Variants in TRAPPC12 observed in about 807,000 individuals in gnomAD.
TRAPPC12 encodes the protein trafficking protein particle complex subunit 12, also known as TPR repeat protein 15.
Under a neutral mutation model 69.2 loss-of-function variants are expected in TRAPPC12, and 61 were observed. That is an observed-to-expected ratio of 0.88 (90% confidence interval 0.72 to 1.09). The LOEUF (loss-of-function observed/expected upper bound fraction) is 1.09, where lower values mean the gene tolerates loss of function less well. Among genes scored for constraint, TRAPPC12 ranks in the 50% least tolerant of loss-of-function variants. The pLI is 0.00. For missense variants in TRAPPC12, 1,101 were observed against 1,016.4 expected (o/e 1.08, Z -1.13); for synonymous variants, 469 against 438.9 (o/e 1.07, Z -0.86).
chr2:3,414,921 A>T lies in TRAPPC12; in HGVS notation c.1165-6960A>T, dbSNP rs1025293274. 6.6e-6 allele frequency among the ~76,000 whole-genome samples: 1 copy of T among 152,012 alleles called. No individual in the cohort carries two copies. The highest frequency in any genetic ancestry group is 2.1e-4 in the South Asian group (1 of 4,816). Reference sequence around the variant, plus strand: ...CGCATCCACAGATTCCACCACCCGCAGTTGGGAAACACAGTGAGGTATGCA... The same window carrying T: ...CGCATCCACAGATTCCACCACCCGCTGTTGGGAAACACAGTGAGGTATGCA... On this transcript the variant is annotated intron_variant, in intron 3 of 11. Coordinates refer to ENST00000324266, the MANE Select transcript of TRAPPC12 (RefSeq NM_016030.6). This position sits in a 1 kb window ranked among gnomAD's most constrained non-coding sequence, Gnocchi z 4.9.
intron 9 of TRAPPC12, among the ~76,000 whole-genome samples, chr2:3,476,976 C>G (rs1237745283): frequency 2.0e-5 from 3 of 152,226 alleles, no homozygotes; most frequent in Admixed American, 2.0e-4. Context: ...TCATTTGTAT[C>G]TATTTCTTAT....
At chr2:3,471,830 G>A (rs1371607480) in intron 9 of TRAPPC12, among the ~76,000 whole-genome samples, 3 of 144,626 alleles carry the variant, frequency 2.1e-5, no homozygotes, top group Non-Finnish European at 4.4e-5. Context: ...ACTTGGACTT[G>A]GGTCTGAGAG....
At chr2:3,388,867 G>A (rs1411353424) in intron 2 of TRAPPC12, 197 bp downstream of exon 2, 4 of 544,958 alleles carry the variant, frequency 7.3e-6, no homozygotes, top group Non-Finnish European at 1.3e-5. Flanking sequence ...ATATTTAATG[G>A]ACTGCTACTC....
chr2:3,466,971 A>G (rs2103156769), intron 9 of TRAPPC12, among the ~76,000 whole-genome samples: 2 of 152,322 alleles, frequency 1.3e-5, no homozygotes, highest in Middle Eastern at 6.8e-3. Flanking sequence ...CCCTGGAGAC[A>G]ATCTCGGAAA....
Position 3,388,335 on chromosome 2 carries a change from C to CCCGGCGCGGGCTCCCCGGCCCCCG in TRAPPC12, c.715_738dup (p.Gly239_Ala246dup). On this transcript the variant is annotated inframe_insertion, in exon 2 of 12. Coordinates refer to ENST00000324266, the MANE Select transcript of TRAPPC12 (RefSeq NM_016030.6). ...CTCCGCCTTCATTTCCGTCAGCAAT[C>CCCGGCGCGGGCTCCCCGGCCCCCG]CCGGCGCGGGCTCCCCGGCCCCCGC... 6.3e-7 allele frequency: 1 copy of CCCGGCGCGGGCTCCCCGGCCCCCG among 1,596,280 alleles called. No individual in the cohort carries two copies.
chr2:3,385,847 T>A (rs1156540197), intron 1 of TRAPPC12, among the ~76,000 whole-genome samples: 1 of 152,256 alleles, frequency 6.6e-6, no homozygotes, highest in East Asian at 1.9e-4. Flanking sequence ...TGTTTGCTCC[T>A]TGTGCCCGGC....
intron 4 of TRAPPC12, among the ~76,000 whole-genome samples, chr2:3,423,630 G>C (rs889950980): frequency 1.3e-5 from 2 of 151,880 alleles, no homozygotes; most frequent in African/African-American, 2.4e-5. Flanking sequence ...TTTGTCTAAC[G>C]TCATGTCCCC....
At chr2:3,426,362 G>T (rs541559651) in intron 5 of TRAPPC12, among the ~76,000 whole-genome samples, 1 of 152,230 alleles carries the variant, frequency 6.6e-6, no homozygotes, top group Non-Finnish European at 1.5e-5. Flanking sequence ...ACTCTCGGAC[G>T]TAGGACTCTG....
chr2:3,462,937 G>A (rs758620531), intron 8 of TRAPPC12: 7 of 471,018 alleles, frequency 1.5e-5, no homozygotes, highest in East Asian at 6.9e-5. Context: ...GCTACCTTCC[G>A]TCTTGCTGAA....
chr2:3,449,004 A>G (rs1049506245), intron 6 of TRAPPC12, among the ~76,000 whole-genome samples: 1 of 152,244 alleles, frequency 6.6e-6, no homozygotes, highest in African/African-American at 2.4e-5. Context: ...GATCTTTACA[A>G]ACGAGTTCAG....
intron 9 of TRAPPC12, among the ~76,000 whole-genome samples, chr2:3,475,344 AT>A (rs1666247336): frequency 6.6e-6 from 1 of 151,838 alleles, no homozygotes. Flanking sequence ...AACTCCTGAA[AT>A]TCAGCGATCC....
chr2:3,419,797 C>T (rs867730952), intron 3 of TRAPPC12, among the ~76,000 whole-genome samples: 27 of 152,240 alleles, frequency 1.8e-4, no homozygotes, highest in Middle Eastern at 6.8e-3. Context: ...CATGAGAGAA[C>T]GGTGGAAAGT....
chr2:3,388,811 C>T (rs1483578667), intron 2 of TRAPPC12, 141 bp downstream of exon 2: 3 of 853,086 alleles, frequency 3.5e-6, no homozygotes, highest in Non-Finnish European at 5.2e-6. Flanking sequence ...GCCTGTGTTC[C>T]TCTGTCCCTG....
chr2:3,448,596 CG>C (rs1664651117), intron 6 of TRAPPC12, among the ~76,000 whole-genome samples: 1 of 149,996 alleles, frequency 6.7e-6, no homozygotes, highest in Admixed American at 6.6e-5. Flanking sequence ...GGAGAGCAGC[CG>C]GTTACTCGAG....
chr2:3,457,821 A>G (rs1199691605), intron 7 of TRAPPC12, 128 bp downstream of exon 7: 2 of 1,464,554 alleles, frequency 1.4e-6, no homozygotes, highest in Non-Finnish European at 1.8e-6. Flanking sequence ...CCACTCGTGC[A>G]TTTGCAACTC....
At position 3,458,442 on chromosome 2, in the gene TRAPPC12, G is replaced by A. The variant is rs901791025; in HGVS notation, c.1603+749G>A. On this transcript the variant is annotated intron_variant, in intron 7 of 11. Transcript: ENST00000324266. ...CGATGTGCAGCCCAAGTCAAGATCGGGTGGTCTCCGTTTCCGCAGGTGTGC... is the reference window on the plus strand; with the variant it reads ...CGATGTGCAGCCCAAGTCAAGATCGAGTGGTCTCCGTTTCCGCAGGTGTGC... The A allele has an allele frequency of 4.6e-5, 45 of 986,102 alleles. No homozygotes were observed. In the South Asian group the frequency reaches 1.9e-3, roughly 41 times the overall value. The allele number at this position is 986,102 out of a possible 1,614,324, so 61.1% of individuals were successfully genotyped here.
chr2:3,429,321 G>A (rs1225499916), intron 5 of TRAPPC12, among the ~76,000 whole-genome samples: 3 of 152,180 alleles, frequency 2.0e-5, no homozygotes, highest in African/African-American at 7.2e-5. Flanking sequence ...TCAGAGGATC[G>A]GCGTTGGTCA....
chr2:3,402,164 T>C (rs1558352202), intron 3 of TRAPPC12, among the ~76,000 whole-genome samples: 1 of 152,262 alleles, frequency 6.6e-6, no homozygotes, highest in African/African-American at 2.4e-5. Flanking sequence ...CTTCATCATA[T>C]ATAATAGAGA....
chr2:3,454,793 C>T (rs1665048311), intron 6 of TRAPPC12: 2 of 152,358 alleles, frequency 1.3e-5, no homozygotes, highest in Admixed American at 1.3e-4. Flanking sequence ...TGTGCTGAGA[C>T]CACCATGGCC....
Sources: gnomAD v4.1 joint callset for allele counts (sites outside exome capture counted in the v4.1 genomes callset) on GRCh38, gnomAD v4.1.1 for gene constraint, Gnocchi (gnomAD v3.1) non-coding constraint, MANE v1.5 for transcripts, NCBI Gene and HGNC (gene_info 2026-07-23, HGNC 2026-07-21) for gene names.